Variants in FGF14 observed in about 807,000 individuals in gnomAD.
FGF14 encodes the protein fibroblast growth factor 14, also known as fibroblast growth factor homologous factor 4.
FGF14 carries 5 observed loss-of-function variants against 25.5 expected under a neutral mutation model. The ratio of observed to expected loss-of-function variants is 0.20; its 90% confidence interval spans 0.10 to 0.41. The LOEUF is 0.41. Ranked by LOEUF, FGF14 falls within the 10% of genes least tolerant of loss-of-function variation. The pLI, the probability that FGF14 is intolerant of heterozygous loss-of-function variation, is 1.00. For synonymous variants in FGF14, 138 were observed against 118.3 expected, an observed-to-expected ratio of 1.17 and a Z score of -1.08; for missense variants, 222 against 320.1, an observed-to-expected ratio of 0.69 and a Z score of 2.34.
Position 101,717,443 on chromosome 13 carries a change from C to T in FGF14, c.*5388G>A, listed in dbSNP as rs1220377550. On this transcript the variant is annotated 3_prime_UTR_variant, in exon 5 of 5. Coordinates refer to ENST00000376143, the MANE Select transcript of FGF14 (RefSeq NM_004115.4). The stretch of plus-strand genomic sequence containing the variant: ...TAAATAATGTAGGTTATATTCTTTC[C>T]TCTTCACTACCTAAACATTTTAAGC... 6.6e-6 allele frequency: 1 copy of T among 151,988 alleles called. No homozygotes were observed. Among genetic ancestry groups the T allele is most frequent in the Non-Finnish European group, 1.5e-5 (1 of 67,996 alleles). The allele number at this position is 151,988 out of a possible 1,614,324, so 9.4% of individuals were successfully genotyped here.
rs2043770281 is a variant in FGF14, at chr13:101,850,517, ATTAT to A, written c.408+18204_408+18207del. Among the ~76,000 whole-genome samples the A allele has an allele frequency of 8.6e-4, 2 of 2,336 alleles. 1 individual carries two copies. Among genetic ancestry groups the A allele is most frequent in the African/African-American group, 2.6e-3 (2 of 782 alleles). The allele number at this position is 2,336 out of a possible 152,430, so 1.5% of individuals were successfully genotyped here. On this transcript the variant is annotated intron_variant, in intron 3 of 4. Coordinates refer to ENST00000376143, the MANE Select transcript of FGF14 (RefSeq NM_004115.4). Reference sequence around the variant, plus strand: ...ATATATATATATATATATATATAGAATTATATATTCTATATATATATATATATAT... The same window carrying A: ...ATATATATATATATATATATATAGAAATATTCTATATATATATATATATAT...
chr13:101,777,807 C>A (rs145479286), intron 3 of FGF14, among the ~76,000 whole-genome samples: 1 of 151,818 alleles, frequency 6.6e-6, no homozygotes, highest in East Asian at 1.9e-4. Flanking sequence ...ATTAAAAATG[C>A]GAAAAAATTA....
At chr13:101,761,992 T>G (rs527612920) in intron 3 of FGF14, among the ~76,000 whole-genome samples, 1 of 152,302 alleles carries the variant, frequency 6.6e-6, no homozygotes, top group East Asian at 1.9e-4. Flanking sequence ...TTGATTCTGC[T>G]GATTTTGATA....
chr13:102,161,660 A>AGACGAAGACGAAGACGAAGAC (rs1566765385), intron 1 of FGF14, among the ~76,000 whole-genome samples: 1 of 21,162 alleles, frequency 4.7e-5, no homozygotes, highest in Non-Finnish European at 9.2e-5. Flanking sequence ...AAGAAGAAGA[A>AGACGAAGACGAAGACGAAGAC]GAAGAAGAAG....
intron 1 of FGF14, among the ~76,000 whole-genome samples, chr13:102,319,069 C>G (rs1044241924): frequency 8.5e-5 from 13 of 152,106 alleles, no homozygotes; most frequent in African/African-American, 2.9e-4. Flanking sequence ...CGAAGGCACT[C>G]CTTGCTGTCT....
intron 1 of FGF14, among the ~76,000 whole-genome samples, chr13:102,045,468 G>T (rs2041940205): frequency 6.6e-6 from 1 of 152,092 alleles, no homozygotes; most frequent in South Asian, 2.1e-4. Flanking sequence ...AACATATAAA[G>T]AAACCATCAG....
chr13:102,162,345 T>G (rs2047814491), intron 1 of FGF14, among the ~76,000 whole-genome samples: 1 of 152,172 alleles, frequency 6.6e-6, no homozygotes, highest in Admixed American at 6.6e-5. Context: ...AAAAACAGAT[T>G]TTTGGCAAAA....
chr13:101,972,870 G>A (rs1050157075), intron 1 of FGF14, among the ~76,000 whole-genome samples: 43 of 152,106 alleles, frequency 2.8e-4, no homozygotes, highest in Non-Finnish European at 7.3e-5. Context: ...TAATGCATAG[G>A]GATTTTCCTT....
chr13:101,798,240 C>T (rs554182615), intron 3 of FGF14, among the ~76,000 whole-genome samples: 185 of 152,176 alleles, frequency 1.2e-3, no homozygotes, highest in African/African-American at 4.3e-3. Context: ...AAAAACAAAA[C>T]ATATTAGGAG....
At chr13:102,150,713 G>C (rs2047047592) in intron 1 of FGF14, among the ~76,000 whole-genome samples, 1 of 152,176 alleles carries the variant, frequency 6.6e-6, no homozygotes, top group South Asian at 2.1e-4. Context: ...TCTTGGTGTA[G>C]ACCAGTGGTT....
chr13:102,075,741 G>A (rs1018742909), intron 1 of FGF14, among the ~76,000 whole-genome samples: 10 of 152,192 alleles, frequency 6.6e-5, no homozygotes, highest in African/African-American at 2.4e-4. Context: ...TATCATAGGA[G>A]ATGACAGTTC....
intron 3 of FGF14, among the ~76,000 whole-genome samples, chr13:101,733,616 AGAGAG>A (rs1162005315): frequency 3.1e-4 from 22 of 70,820 alleles, no homozygotes; most frequent in East Asian, 2.2e-3. Flanking sequence ...AAAAAAAGAG[AGAGAG>A]GAGAGAGAGA....
intron 1 of FGF14, among the ~76,000 whole-genome samples, chr13:102,317,772 G>C (rs2056089440): frequency 6.6e-6 from 1 of 152,088 alleles, no homozygotes; most frequent in Non-Finnish European, 1.5e-5. Context: ...CAACTTGCCT[G>C]CTTGGCCTTC....
At chr13:102,166,529 A>G (rs1223681317) in intron 1 of FGF14, among the ~76,000 whole-genome samples, 1 of 151,930 alleles carries the variant, frequency 6.6e-6, no homozygotes, top group Non-Finnish European at 1.5e-5. Flanking sequence ...GTCCTTTTTG[A>G]GTTCATTTAG....
intron 3 of FGF14, among the ~76,000 whole-genome samples, chr13:101,790,271 A>C (rs1444358445): frequency 6.6e-6 from 1 of 152,008 alleles, no homozygotes; most frequent in Non-Finnish European, 1.5e-5. Flanking sequence ...TCTTTTATGT[A>C]ATTATATCCA....
intron 1 of FGF14, among the ~76,000 whole-genome samples, chr13:101,952,274 T>G (rs1201229481): frequency 1.3e-5 from 2 of 152,170 alleles, no homozygotes; most frequent in Non-Finnish European, 2.9e-5. Context: ...AAGGCTGGCT[T>G]GTTTACCATA....
chr13:102,271,199 T>C (rs561036436), intron 1 of FGF14, among the ~76,000 whole-genome samples: 4 of 152,340 alleles, frequency 2.6e-5, no homozygotes, highest in South Asian at 4.1e-4. Context: ...ATTTGGTGTC[T>C]AGTGAAATTT....
chr13:102,041,170 AT>A (rs1160227659), intron 1 of FGF14, among the ~76,000 whole-genome samples: 1 of 152,100 alleles, frequency 6.6e-6, no homozygotes, highest in African/African-American at 2.4e-5. Context: ...CTTCACACAT[AT>A]TTTTTAAAAA....
rs569000987 is a variant in FGF14 at position 102,009,586 on chromosome 13, A to T, written c.209-134290T>A. On this transcript the variant is annotated intron_variant, in intron 1 of 4. Coordinates refer to the FGF14 transcript ENST00000376131. ...TATGGGATTAAAAAATTGTTCTTCA[A>T]AAAGTCTACACCAATTTAAACATCC... 2.0e-5 allele frequency among the ~76,000 whole-genome samples: 3 copies of T among 152,268 alleles called. No individual in the cohort carries two copies. In the South Asian group the frequency reaches 6.2e-4, roughly 32 times the overall value.
Sources: gnomAD v4.1 joint callset for allele counts (sites outside exome capture counted in the v4.1 genomes callset) on GRCh38, gnomAD v4.1.1 for gene constraint, MANE v1.5 for transcripts, NCBI Gene and HGNC (gene_info 2026-07-23, HGNC 2026-07-21) for gene names.